Variants in XCR1 observed in about 807,000 individuals in gnomAD.
XCR1 encodes chemokine XC receptor 1.
For synonymous variants in XCR1, 187 were observed against 188.5 expected, an observed-to-expected ratio of 0.99 and a Z score of 0.06; for missense variants, 356 against 424.2, an observed-to-expected ratio of 0.84 and a Z score of 1.41.
chr3:46,075,070 A>G (rs534255135), intron 2 of XCR1, among the ~76,000 whole-genome samples: 2 of 152,276 alleles, frequency 1.3e-5, no homozygotes, highest in Admixed American at 1.3e-4. Context: ...CACTTTGAAA[A>G]GGAATGAAAT....
rs116364992 is a variant in XCR1, at chr3:46,061,883, C to A, written c.-183+5016G>T. Among the ~76,000 whole-genome samples the A allele has an allele frequency of 2.7e-3, 418 of 152,186 alleles. 3 individuals are homozygous for A. Among genetic ancestry groups the A allele is most frequent in the Admixed American group, 4.8e-3 (73 of 15,294 alleles). On this transcript the variant is annotated intron_variant, in intron 4 of 5. Transcript: ENST00000683768. ...TGGAATGGGGGCTTGAATTCAGAGG[C>A]CCAGCTAGGTCCAGCACTGTGGGCA...
chr3:46,039,851 G>A (rs1032542068), intron 5 of XCR1, among the ~76,000 whole-genome samples: 8 of 152,074 alleles, frequency 5.3e-5, no homozygotes, highest in Admixed American at 3.9e-4. Flanking sequence ...TCACACTTAC[G>A]CAAGGCCAGT....
intron 3 of XCR1, among the ~76,000 whole-genome samples, chr3:46,073,850 G>T (rs942076779): frequency 1.3e-5 from 2 of 151,200 alleles, no homozygotes; most frequent in South Asian, 2.1e-4. Flanking sequence ...AATCATCAGA[G>T]AAATGCAGAT....
intron 5 of XCR1, among the ~76,000 whole-genome samples, chr3:46,036,457 TC>T (rs1224497540): frequency 6.6e-6 from 1 of 152,264 alleles, no homozygotes; most frequent in African/African-American, 2.4e-5. Flanking sequence ...TTATGCTATG[TC>T]TTTTTGTCTA....
chr3:46,022,237 C>A, intron 1 of XCR1: 1 of 333,502 alleles, frequency 3.0e-6, no homozygotes, highest in Non-Finnish European at 5.5e-6. Context: ...CCCAGGAGGG[C>A]GAGACTGCAG....
intron 1 of XCR1, among the ~76,000 whole-genome samples, chr3:46,085,755 A>G (rs1267205119): frequency 6.6e-6 from 1 of 152,202 alleles, no homozygotes; most frequent in Non-Finnish European, 1.5e-5. Flanking sequence ...CTTGAGCTAC[A>G]GATCTACAGT....
chr3:46,024,231 A>T, intron 1 of XCR1: 1 of 342,206 alleles, frequency 2.9e-6, no homozygotes, highest in Middle Eastern at 3.8e-4. Context: ...AAAAAAAAAA[A>T]TGAAAAGGGA....
chr3:46,023,849 T>G, intron 1 of XCR1: 1 of 1,528,038 alleles, frequency 6.5e-7, no homozygotes, highest in Non-Finnish European at 9.1e-7. Context: ...GTGGAATTCC[T>G]TGTGGCTGAG....
chr3:46,084,423 G>A (rs759204291), intron 1 of XCR1, among the ~76,000 whole-genome samples: 1 of 152,190 alleles, frequency 6.6e-6, no homozygotes, highest in Non-Finnish European at 1.5e-5. Flanking sequence ...CCTCCCTTGA[G>A]CTAAGTAATT....
chr3:46,047,913 G>A (rs1472145495), intron 5 of XCR1, among the ~76,000 whole-genome samples: 2 of 152,190 alleles, frequency 1.3e-5, no homozygotes, highest in Non-Finnish European at 2.9e-5. Context: ...GTCCATGGAC[G>A]GGGGTAGGAA....
At chr3:46,060,993 A>T (rs1697951168) in intron 4 of XCR1, among the ~76,000 whole-genome samples, 1 of 152,248 alleles carries the variant, frequency 6.6e-6, no homozygotes, top group South Asian at 2.1e-4. Flanking sequence ...ACTCAGAAGT[A>T]ATGTTATGTG....
intron 5 of XCR1, among the ~76,000 whole-genome samples, chr3:46,043,170 G>A (rs963012469): frequency 3.9e-5 from 6 of 151,984 alleles, no homozygotes; most frequent in Admixed American, 1.3e-4. Context: ...GCCAGGTGTG[G>A]TGGCTTATGC....
chr3:46,071,273 T>TA (rs1272388019), intron 3 of XCR1, among the ~76,000 whole-genome samples: 2 of 151,844 alleles, frequency 1.3e-5, no homozygotes, highest in Non-Finnish European at 1.5e-5. Context: ...GCATCGATAA[T>TA]AAAAAAAATT....
At chr3:46,067,539 C>A (rs1046867708) in intron 3 of XCR1, among the ~76,000 whole-genome samples, 1 of 152,160 alleles carries the variant, frequency 6.6e-6, no homozygotes, top group African/African-American at 2.4e-5. Flanking sequence ...ATTCTTACCA[C>A]AAAGGTCACC....
At chr3:46,050,692 G>T (rs776230515) in intron 5 of XCR1, among the ~76,000 whole-genome samples, 1 of 152,146 alleles carries the variant, frequency 6.6e-6, no homozygotes, top group Admixed American at 6.5e-5. Flanking sequence ...CATTGATAGT[G>T]AGACACGTTC....
chr3:46,060,576 A>G (rs902189909), intron 4 of XCR1, among the ~76,000 whole-genome samples: 3 of 152,144 alleles, frequency 2.0e-5, no homozygotes, highest in African/African-American at 7.2e-5. Flanking sequence ...ATCATTGTTG[A>G]ATCTCCTGGT....
chr3:46,034,128 A>G (rs1445889604), intron 5 of XCR1, among the ~76,000 whole-genome samples: 3 of 152,014 alleles, frequency 2.0e-5, no homozygotes, highest in Admixed American at 6.6e-5. Context: ...GCCTGCCCTC[A>G]TGCCCAGCTA....
chr3:46,039,040 G>A (rs1411269958), intron 5 of XCR1, among the ~76,000 whole-genome samples: 1 of 152,076 alleles, frequency 6.6e-6, no homozygotes, highest in Non-Finnish European at 1.5e-5. Flanking sequence ...ATCACTGATG[G>A]GTCCTCATGT....
chr3:46,021,435 A>G lies in XCR1; in HGVS notation c.513T>C (p.Leu171=). 3 of 1,614,112 alleles carry G rather than the reference A, an allele frequency of 1.9e-6. No homozygotes were observed. The highest frequency in any genetic ancestry group is 2.5e-6 in the Non-Finnish European group (3 of 1,179,988). Residue 171 remains leucine, a synonymous_variant, in exon 2 of 2, where the codon CTT becomes CTC. Coordinates refer to ENST00000309285, the MANE Select transcript of XCR1 (RefSeq NM_001024644.2). The surrounding 1 kb of genome is among the most constrained non-coding windows in gnomAD (Gnocchi z 4.7). Reference sequence around the variant, plus strand: ...GTTCGGAATAATCACAGCCCGAAGAAAGCACCTTGTGGAAGATGGTGTCGA... The same window carrying G: ...GTTCGGAATAATCACAGCCCGAAGAGAGCACCTTGTGGAAGATGGTGTCGA... ...SILDTIFHKV[L]SSGCDYSELT... is the part of the protein sequence containing the mutation.
Sources: allele counts gnomAD v4.1 joint callset (sites outside exome capture counted in the v4.1 genomes callset), GRCh38; gene constraint gnomAD v4.1.1; non-coding constraint Gnocchi (gnomAD v3.1); transcripts MANE v1.5; gene names NCBI Gene and HGNC (gene_info 2026-07-23, HGNC 2026-07-21).